Variants in TCAF2 observed in about 807,000 individuals in gnomAD.
TCAF2 encodes the protein TRPM8 channel-associated factor 2.
Under a neutral mutation model 33.9 loss-of-function variants are expected in TCAF2, and 6 were observed. The ratio of observed to expected loss-of-function variants is 0.18; its 90% CI spans 0.10 to 0.35. The LOEUF (loss-of-function observed/expected upper bound fraction) is 0.35, where lower values mean the gene tolerates loss of function less well. TCAF2 is among the 10% of genes least tolerant of loss of function. TCAF2 has a pLI of 1.00. For missense variants in TCAF2, 109 were observed against 604.0 expected, an observed-to-expected ratio of 0.18 and a Z score of 8.59; for synonymous variants, 41 against 247.8, an observed-to-expected ratio of 0.17 and a Z score of 7.84.
rs1340830726 is a variant in TCAF2 at position 143,624,716 on chromosome 7, C to T, written c.-12+3696C>T. 5.9e-5 allele frequency among the ~76,000 whole-genome samples: 3 copies of T among 50,920 alleles called. 1 individual carries two copies. Among genetic ancestry groups the T allele is most frequent in the African/African-American group, 1.0e-4 (2 of 19,178 alleles). The allele number at this position is 50,920 out of a possible 152,430, so 33.4% of individuals were successfully genotyped here. A position where few individuals can be genotyped will look rare whatever the true frequency, so the allele number is the denominator to read the frequency against. ...AATATTTGTTTGTTTGTGTGAGCAC[C>T]GATTGTTGATCATGCTGCATTCTGG... On this transcript the variant is annotated intron_variant, in intron 1 of 7. Transcript: ENST00000684770.
chr7:143,634,787 A>G lies in TCAF2; in HGVS notation c.-12+13767A>G, dbSNP rs1214352281. 5.0e-3 allele frequency among the ~76,000 whole-genome samples: 412 copies of G among 81,872 alleles called. 9 individuals are homozygous for G. The highest frequency in any genetic ancestry group is 0.018 in the African/African-American group (381 of 21,162). The allele number at this position is 81,872 out of a possible 152,430, so 53.7% of individuals were successfully genotyped here. ...AAAATAAAAGAAAAAAAATAGATTT[A>G]CAATTTCAAGGCACCTCTCTGATTA... On this transcript the variant is annotated intron_variant, in intron 1 of 7. Transcript: ENST00000684770.
In TCAF2 at chr7:143,724,506, C is replaced by A. The variant is rs148923495; in HGVS notation, c.2314C>A (p.Pro772Thr). Reference protein sequence around the residue: ...NQQRHGWEFPPHTTEATCNLW... With the variant: ...NQQRHGWEFPTHTTEATCNLW... ...ACAGCGGCATGGATGGGAGTTCCCCCCACACACTACTGAGGCCACCTGTAA... is the reference window on the plus strand; with the variant it reads ...ACAGCGGCATGGATGGGAGTTCCCCACACACACTACTGAGGCCACCTGTAA... Residue 772 changes from proline (P) to threonine (T), a missense_variant, in exon 7 of 8, where the codon CCA (proline) becomes ACA (threonine). Transcript: ENST00000684770. 8.8e-4 allele frequency: 1,422 copies of A among 1,611,144 alleles called. 16 individuals carry two copies. Among genetic ancestry groups the A allele is most frequent in the Non-Finnish European group, 1.2e-3 (1,363 of 1,179,554 alleles).
intron 1 of TCAF2, among the ~76,000 whole-genome samples, chr7:143,648,593 C>T (rs1292299213): frequency 2.9e-5 from 2 of 69,724 alleles, no homozygotes; most frequent in Non-Finnish European, 3.6e-5. Context: ...TATAACACTA[C>T]GCTTGAAGAT....
rs985223266 is a variant in TCAF2, at chr7:143,639,007, ATTTAATT to A, written c.-12+17995_-12+18001del. The stretch of plus-strand genomic sequence containing the variant: ...AACTATACTTTTTAAAAAATATAAC[ATTTAATT>A]TTTAATTATAAGAGAAATAGATGTT... On this transcript the variant is annotated intron_variant, in intron 1 of 7. Transcript: ENST00000684770. Among the ~76,000 whole-genome samples the A allele has an allele frequency of 6.6e-4, 5 of 7,596 alleles. 2 individuals are homozygous for A. Among genetic ancestry groups the A allele is most frequent in the Non-Finnish European group, 9.4e-4 (5 of 5,312 alleles). The allele number at this position is 7,596 out of a possible 152,430, so 5.0% of individuals were successfully genotyped here.
chr7:143,726,119 C>T (rs1185373308), intron 7 of TCAF2, among the ~76,000 whole-genome samples: 1 of 152,150 alleles, frequency 6.6e-6, no homozygotes. Context: ...GCATAGGAGG[C>T]CCTTCATGAC....
intron 3 of TCAF2, 87 bp downstream of exon 3, chr7:143,720,761 T>G: frequency 9.7e-7 from 1 of 1,031,410 alleles, no homozygotes; most frequent in South Asian, 2.4e-5. Flanking sequence ...TTGCAGGTAC[T>G]TACCCTCAGG....
At chr7:143,647,791 G>A (rs2116486130) in intron 1 of TCAF2, 1 of 413,602 alleles carries the variant, frequency 2.4e-6, no homozygotes. Flanking sequence ...TAGGATTTTA[G>A]CATGCTAATA....
rs1469249762 is a variant in TCAF2 at position 143,730,329 on chromosome 7, G to A, written c.*2662G>A. On this transcript the variant is annotated 3_prime_UTR_variant, in exon 8 of 8. Coordinates refer to ENST00000684770, the MANE Select transcript of TCAF2 (RefSeq NM_001363538.2). ...CTGGCATGAGATGGTACCCCATTGT[G>A]GTTTTGATTTACATTTCCCTAATGA... is the stretch of plus-strand genomic sequence containing the variant. 1 of 152,030 alleles carries A rather than the reference G, an allele frequency of 6.6e-6. No individual in the cohort carries two copies. Among genetic ancestry groups the A allele is most frequent in the East Asian group, 1.9e-4 (1 of 5,192 alleles). 9.4% of individuals were successfully genotyped at this position (152,030 alleles called of 1,614,324 possible).
At chr7:143,701,757 T>TTTCAC (rs1554471964) in intron 1 of TCAF2, among the ~76,000 whole-genome samples, 1 of 89,516 alleles carries the variant, frequency 1.1e-5, no homozygotes, top group East Asian at 2.9e-4. Context: ...CTTTATTTTA[T>TTTCAC]TTTACTTTAT....
intron 7 of TCAF2, among the ~76,000 whole-genome samples, chr7:143,725,471 T>A (rs1809657263): frequency 6.6e-6 from 1 of 151,958 alleles, no homozygotes; most frequent in Admixed American, 6.6e-5. Flanking sequence ...AGGCACACAC[T>A]ATTTTAAAGA....
At chr7:143,707,668 CAT>C (rs1346890930) in intron 2 of TCAF2, among the ~76,000 whole-genome samples, 2 of 143,720 alleles carry the variant, frequency 1.4e-5, no homozygotes, top group African/African-American at 5.3e-5. Flanking sequence ...GGTACCAGTC[CAT>C]GGCCTGTTAG....
At chr7:143,724,810 C>A (rs563477644) in intron 7 of TCAF2, 113 bp downstream of exon 7, 1 of 1,573,662 alleles carries the variant, frequency 6.4e-7, no homozygotes, top group Non-Finnish European at 8.6e-7. Context: ...TGGACCTCCA[C>A]CTCCCCTGGA....
At chr7:143,622,618 CAG>C (rs1213375837) in intron 1 of TCAF2, among the ~76,000 whole-genome samples, 1 of 35,424 alleles carries the variant, frequency 2.8e-5, no homozygotes, top group Non-Finnish European at 6.6e-5. Context: ...TTTTTTGAGG[CAG>C]AGTCTTGTTC....
intron 1 of TCAF2, 41 bp downstream of exon 1, chr7:143,621,061 T>C (rs1808771975): frequency 6.5e-6 from 1 of 153,194 alleles, no homozygotes; most frequent in Non-Finnish European, 1.4e-5. Context: ...GTGGGGGCGG[T>C]AGCTGAGCAC....
intron 7 of TCAF2, 149 bp downstream of exon 7, chr7:143,724,846 G>C: frequency 6.4e-7 from 1 of 1,551,866 alleles, no homozygotes; most frequent in South Asian, 1.2e-5. Flanking sequence ...GCCGCAGGGT[G>C]GTGCTTCTTG....
intron 2 of TCAF2, among the ~76,000 whole-genome samples, chr7:143,708,334 T>C (rs1194997398): frequency 1.5e-5 from 1 of 64,974 alleles, no homozygotes; most frequent in East Asian, 1.1e-3. Context: ...TCTGCCATTG[T>C]TGAATAGTTT....
At chr7:143,726,474 G>A (rs1227719637) in intron 7 of TCAF2, among the ~76,000 whole-genome samples, 8 of 59,516 alleles carry the variant, frequency 1.3e-4, no homozygotes, top group African/African-American at 5.0e-4. Context: ...AGTAGCTGGC[G>A]GTGTGTGGGT....
intron 1 of TCAF2, among the ~76,000 whole-genome samples, chr7:143,648,119 A>G (rs1809100534): frequency 9.7e-6 from 1 of 103,324 alleles, no homozygotes; most frequent in Admixed American, 1.2e-4. Context: ...GGGTTTCACC[A>G]TGCTGGCCAG....
rs1381090138 is a variant in TCAF2, at chr7:143,728,655, AGTG to A, written c.*993_*995del. 3.3e-5 allele frequency: 5 copies of A among 152,274 alleles called. No homozygotes were observed. Among genetic ancestry groups the A allele is most frequent in the Admixed American group, 3.3e-4 (5 of 15,292 alleles). The allele number at this position is 152,274 out of a possible 1,614,324, so 9.4% of individuals were successfully genotyped here. ...TCACCATGGAATCAAGGCACTGTCA[AGTG>A]GTGGGGGGTCCACAGGCACAGTGGG... On this transcript the variant is annotated 3_prime_UTR_variant, in exon 8 of 8. Transcript: ENST00000684770.
Sources: gnomAD v4.1 joint callset for allele counts (sites outside exome capture counted in the v4.1 genomes callset) on GRCh38, gnomAD v4.1.1 for gene constraint, MANE v1.5 for transcripts, NCBI Gene and HGNC (gene_info 2026-07-23, HGNC 2026-07-21) for gene names.